Variants in RYR3 observed in about 807,000 individuals in gnomAD.
RYR3 encodes the protein ryanodine receptor 3.
RYR3 carries 207 observed loss-of-function variants against 584.3 expected under a neutral mutation model. That is an observed-to-expected ratio of 0.35 (90% CI 0.32 to 0.40). The LOEUF is 0.40. Ranked by LOEUF, RYR3 falls within the 10% of genes least tolerant of loss-of-function variation. The pLI, the probability that RYR3 is intolerant of heterozygous loss-of-function variation, is 1.00. For missense variants in RYR3, 5,616 were observed against 6,089.2 expected, an observed-to-expected ratio of 0.92 and a Z score of 2.59; for synonymous variants, 2,416 against 2,248.5, an observed-to-expected ratio of 1.07 and a Z score of -2.11.
intron 38 of RYR3, among the ~76,000 whole-genome samples, chr15:33,682,610 G>T (rs2064707496): frequency 6.6e-6 from 1 of 152,146 alleles, no homozygotes; most frequent in South Asian, 2.1e-4. Context: ...ATCTGTACAT[G>T]ACTAGCTTCC....
chr15:33,461,381 C>T lies in RYR3; in HGVS notation c.52-12038C>T, dbSNP rs552627945. 2.6e-5 allele frequency among the ~76,000 whole-genome samples: 4 copies of T among 152,136 alleles called. No homozygotes were observed. The South Asian group carries it at 8.3e-4, about 32-fold the overall frequency. On this transcript the variant is annotated intron_variant, in intron 1 of 103. Transcript: ENST00000634891. ...GTTTCACGGGTACTTTGTCTCTTCACGAGGCAATGTCTTATAACCCTGGAT... is the reference window on the plus strand; with the variant it reads ...GTTTCACGGGTACTTTGTCTCTTCATGAGGCAATGTCTTATAACCCTGGAT...
chr15:33,864,442 GAGACAATATGAA>G (rs994316423), intron 103 of RYR3, among the ~76,000 whole-genome samples: 5 of 152,176 alleles, frequency 3.3e-5, no homozygotes, highest in Non-Finnish European at 7.3e-5. Context: ...GAACATTACA[GAGACAATATGAA>G]ATAAGAAATT....
chr15:33,409,282 TAATA>T (rs138051374), intron 1 of RYR3, among the ~76,000 whole-genome samples: 3,520 of 149,204 alleles, frequency 0.024, 133 homozygotes, highest in African/African-American at 0.081. Context: ...GTGCTGCGTA[TAATA>T]AATAAATAAA....
chr15:33,361,704 T>C (rs1178644942), intron 1 of RYR3, among the ~76,000 whole-genome samples: 1 of 152,214 alleles, frequency 6.6e-6, no homozygotes, highest in African/African-American at 2.4e-5. Context: ...TATTGTTCCC[T>C]TCTGCACTGG....
chr15:33,859,872 A>G, intron 100 of RYR3, 141 bp downstream of exon 100: 6 of 926,530 alleles, frequency 6.5e-6, no homozygotes, highest in East Asian at 2.6e-5. Context: ...TTTAGCATCT[A>G]CTATACCTGA....
At chr15:33,851,048 A>C (rs2079073591) in intron 94 of RYR3, 1 of 151,946 alleles carries the variant, frequency 6.6e-6, no homozygotes, top group African/African-American at 2.4e-5. Context: ...TTGTTTGGGA[A>C]CTCACCTATG....
At chr15:33,425,800 C>A (rs2044586900) in intron 1 of RYR3, among the ~76,000 whole-genome samples, 1 of 151,510 alleles carries the variant, frequency 6.6e-6, no homozygotes, top group Non-Finnish European at 1.5e-5. Flanking sequence ...CGCCACCACA[C>A]CCGGCTAATT....
chr15:33,634,807 A>G (rs1473547610), intron 25 of RYR3, 74 bp downstream of exon 25: 11 of 1,264,904 alleles, frequency 8.7e-6, no homozygotes, highest in Non-Finnish European at 1.0e-5. Context: ...CCTAACTTCA[A>G]ATAGGTCTAA....
At chr15:33,669,880 G>GGTGT (rs71117160) in intron 37 of RYR3, among the ~76,000 whole-genome samples, 41,308 of 100,872 alleles carry the variant, frequency 0.41, 8,402 homozygotes, top group Non-Finnish European at 0.45. Flanking sequence ...GGGTGTGTGT[G>GGTGT]GTGTGTGTGT....
chr15:33,407,220 A>G (rs1430770860), intron 1 of RYR3, among the ~76,000 whole-genome samples: 3 of 152,236 alleles, frequency 2.0e-5, no homozygotes, highest in Non-Finnish European at 4.4e-5. Flanking sequence ...CCACCTCTTA[A>G]TACCACCACT....
chr15:33,374,981 A>C (rs542187936), intron 1 of RYR3, among the ~76,000 whole-genome samples: 1 of 152,358 alleles, frequency 6.6e-6, no homozygotes, highest in Non-Finnish European at 1.5e-5. Flanking sequence ...CATTATTAAT[A>C]GTATAGCTAT....
At position 33,311,666 on chromosome 15, in the gene RYR3, G is replaced by A. The variant is rs373173709; in HGVS notation, c.51+570G>A. Among the ~76,000 whole-genome samples the A allele has an allele frequency of 1.4e-3, 215 of 152,328 alleles. 1 individual carries two copies. The highest frequency in any genetic ancestry group is 5.0e-3 in the African/African-American group (208 of 41,584). ...GAATTCACCCAGCGCTGCCCCTCTCGTGTTAAGCCCCACGCCGGCAACTGC... is the reference window on the plus strand; with the variant it reads ...GAATTCACCCAGCGCTGCCCCTCTCATGTTAAGCCCCACGCCGGCAACTGC... On this transcript the variant is annotated intron_variant, in intron 1 of 103. Coordinates refer to ENST00000634891, the MANE Select transcript of RYR3 (RefSeq NM_001036.6). This position sits in a 1 kb window ranked among gnomAD's most constrained non-coding sequence, Gnocchi z 4.4.
At chr15:33,434,162 C>G (rs1329340487) in intron 1 of RYR3, among the ~76,000 whole-genome samples, 3 of 152,210 alleles carry the variant, frequency 2.0e-5, no homozygotes, top group Non-Finnish European at 2.9e-5. Flanking sequence ...ATCAAGGTCT[C>G]TTTCCTAAGT....
chr15:33,623,656 G>T, intron 19 of RYR3, 151 bp from the exon 20 acceptor site: 4 of 623,560 alleles, frequency 6.4e-6, no homozygotes, highest in Non-Finnish European at 1.1e-5. Flanking sequence ...TTACATACTG[G>T]ATGATGTTTG....
At chr15:33,492,568 C>T (rs544947878) in intron 2 of RYR3, among the ~76,000 whole-genome samples, 1 of 152,138 alleles carries the variant, frequency 6.6e-6, no homozygotes, top group Admixed American at 6.5e-5. Flanking sequence ...GGAAAAATCT[C>T]AAAAACATTT....
At chr15:33,474,998 T>A (rs959180825) in intron 2 of RYR3, among the ~76,000 whole-genome samples, 1 of 152,250 alleles carries the variant, frequency 6.6e-6, no homozygotes. Flanking sequence ...TTGACTTGAT[T>A]TTCCTAAGGC....
chr15:33,794,540 C>T (rs776768229), intron 67 of RYR3, among the ~76,000 whole-genome samples: 8 of 151,490 alleles, frequency 5.3e-5, no homozygotes, highest in Non-Finnish European at 1.0e-4. Context: ...TAAGGTTGCT[C>T]CTGGAATAGC....
intron 3 of RYR3, among the ~76,000 whole-genome samples, chr15:33,521,944 T>C (rs1011268335): frequency 6.6e-6 from 1 of 152,086 alleles, no homozygotes; most frequent in Non-Finnish European, 1.5e-5. Flanking sequence ...CCTCCTGTTT[T>C]CTGAACTTCA....
At chr15:33,811,993 T>C (rs1414759168) in intron 72 of RYR3, among the ~76,000 whole-genome samples, 1 of 151,334 alleles carries the variant, frequency 6.6e-6, no homozygotes, top group African/African-American at 2.4e-5. Flanking sequence ...TAAAATATAC[T>C]AGGAAAAAAA....
Sources: gnomAD v4.1 joint callset for allele counts (sites outside exome capture counted in the v4.1 genomes callset) on GRCh38, gnomAD v4.1.1 for gene constraint, Gnocchi (gnomAD v3.1) non-coding constraint, MANE v1.5 for transcripts, NCBI Gene and HGNC (gene_info 2026-07-23, HGNC 2026-07-21) for gene names.